The following BRAF variants were observed in gnomAD, a reference collection of about 807,000 sequenced individuals.
BRAF encodes the protein B-Raf proto-oncogene, serine/threonine kinase.
In BRAF, 16 loss-of-function variants were observed where a neutral mutation model predicts 104.6. The observed-to-expected ratio is 0.15, with a 90% CI of 0.10 to 0.23. The LOEUF (loss-of-function observed/expected upper bound fraction) is 0.23, where lower values mean the gene tolerates loss of function less well. Ranked by LOEUF, BRAF falls within the 10% of genes least tolerant of loss-of-function variation. The pLI is 1.00. For missense variants in BRAF, 541 were observed against 937.3 expected, an observed-to-expected ratio of 0.58 and a Z score of 5.52; for synonymous variants, 310 against 341.6, an observed-to-expected ratio of 0.91 and a Z score of 1.02.
intron 9 of BRAF, among the ~76,000 whole-genome samples, chr7:140,787,027 C>A (rs1305158845): frequency 6.6e-6 from 1 of 152,078 alleles, no homozygotes; most frequent in African/African-American, 2.4e-5. Flanking sequence ...TTTGGCCGGG[C>A]GCGGTGGCTC....
intron 1 of BRAF, among the ~76,000 whole-genome samples, chr7:140,881,222 C>T (rs1277125222): frequency 6.6e-6 from 1 of 152,022 alleles, no homozygotes; most frequent in Non-Finnish European, 1.5e-5. Flanking sequence ...TCCAAAGGGC[C>T]CTAGGATTTT....
intron 19 of BRAF, among the ~76,000 whole-genome samples, chr7:140,730,048 TAA>T (rs1216876356): frequency 6.6e-6 from 1 of 152,090 alleles, no homozygotes; most frequent in East Asian, 1.9e-4. Context: ...ATCAATAAAA[TAA>T]GACTCTTAAA....
At chr7:140,777,125 G>A (rs779875213) in intron 13 of BRAF, 37 bp from the exon 13 acceptor site, 11 of 1,602,010 alleles carry the variant, frequency 6.9e-6, no homozygotes, top group Admixed American at 5.0e-5. Context: ...ATTAAATGTC[G>A]ACAAACTTTA....
intron 14 of BRAF, among the ~76,000 whole-genome samples, chr7:140,763,524 A>T (rs1799001525): frequency 6.6e-6 from 1 of 152,216 alleles, no homozygotes; most frequent in Non-Finnish European, 1.5e-5. Context: ...TTTTGAAAGG[A>T]TCAACAAAAT....
chr7:140,907,386 C>T (rs1158667247), intron 1 of BRAF, among the ~76,000 whole-genome samples: 1 of 151,612 alleles, frequency 6.6e-6, no homozygotes, highest in Admixed American at 6.6e-5. Context: ...CTCAGCCTCC[C>T]GAATAGCTGG....
At chr7:140,742,620 C>T (rs376545971) in intron 17 of BRAF, among the ~76,000 whole-genome samples, 2 of 152,198 alleles carry the variant, frequency 1.3e-5, no homozygotes, top group South Asian at 4.1e-4. Context: ...TCCCATTTTC[C>T]CTGTTATAAC....
chr7:140,876,128 T>C (rs748811340), intron 1 of BRAF, among the ~76,000 whole-genome samples: 3 of 152,162 alleles, frequency 2.0e-5, no homozygotes, highest in East Asian at 1.9e-4. Flanking sequence ...TTTCAATTAA[T>C]AGAAACGTAA....
At chr7:140,817,581 G>T (rs1805009161) in intron 3 of BRAF, among the ~76,000 whole-genome samples, 1 of 152,140 alleles carries the variant, frequency 6.6e-6, no homozygotes, top group African/African-American at 2.4e-5. Flanking sequence ...GCATGGTACT[G>T]GCATAAAAAC....
At chr7:140,734,797 G>GAAAAAAAAAAAGA (rs60814637) in intron 18 of BRAF, 27 bp from the exon 18 acceptor site, 5 of 1,130,044 alleles carry the variant, frequency 4.4e-6, no homozygotes, top group Non-Finnish European at 5.8e-6. Context: ...AAAAAAAAAA[G>GAAAAAAAAAAAGA]AAAAAAAAAG....
At chr7:140,882,947 T>C (rs564358097) in intron 1 of BRAF, among the ~76,000 whole-genome samples, 4 of 151,490 alleles carry the variant, frequency 2.6e-5, no homozygotes, top group East Asian at 3.9e-4. Flanking sequence ...TGAGCCAAGA[T>C]TGCACCACTG....
At chr7:140,758,118 GTCAGCCC>G (rs1798357116) in intron 14 of BRAF, 1 of 152,176 alleles carries the variant, frequency 6.6e-6, no homozygotes, top group Non-Finnish European at 1.5e-5. Context: ...ACATTTGCAT[GTCAGCCC>G]TCTTTCACCT....
chr7:140,833,854 C>T (rs1807044157), intron 3 of BRAF: 1 of 151,820 alleles, frequency 6.6e-6, no homozygotes, highest in Non-Finnish European at 1.5e-5. Context: ...AAGTAAAATG[C>T]CTCTATAATA....
intron 1 of BRAF, among the ~76,000 whole-genome samples, chr7:140,872,216 A>AAAATAAATAAATAAATAAATAAAT (rs143275817): frequency 3.1e-5 from 4 of 130,112 alleles, no homozygotes; most frequent in African/African-American, 1.1e-4. Flanking sequence ...ACTCCATCTC[A>AAAATAAATAAATAAATAAATAAAT]AAATAAATAA....
intron 1 of BRAF, among the ~76,000 whole-genome samples, chr7:140,876,876 C>G (rs1812323026): frequency 6.6e-6 from 1 of 151,960 alleles, no homozygotes; most frequent in South Asian, 2.1e-4. Flanking sequence ...CTCACCAAAA[C>G]AGACCATATT....
At chr7:140,844,648 G>A (rs1415581911) in intron 2 of BRAF, among the ~76,000 whole-genome samples, 1 of 152,172 alleles carries the variant, frequency 6.6e-6, no homozygotes, top group African/African-American at 2.4e-5. Context: ...CATGGAGGCT[G>A]AGCACAGTGG....
At chr7:140,776,613 A>G (rs375002985) in intron 14 of BRAF, among the ~76,000 whole-genome samples, 1 of 152,256 alleles carries the variant, frequency 6.6e-6, no homozygotes, top group Non-Finnish European at 1.5e-5. Context: ...ACAACTTTTT[A>G]GCAGGTTTTT....
chr7:140,842,608 T>G (rs763643522), intron 2 of BRAF, among the ~76,000 whole-genome samples: 12 of 152,198 alleles, frequency 7.9e-5, no homozygotes, highest in Non-Finnish European at 1.5e-4. Context: ...TAGAAGGCAT[T>G]CCAATAATTT....
chr7:140,735,493 T>C (rs775098170), intron 18 of BRAF, among the ~76,000 whole-genome samples: 4 of 152,242 alleles, frequency 2.6e-5, no homozygotes, highest in African/African-American at 4.8e-5. Flanking sequence ...GCCTGGCCTA[T>C]AATAAGCACT....
At chr7:140,923,356 C>T (rs1818436560) in intron 1 of BRAF, among the ~76,000 whole-genome samples, 1 of 151,912 alleles carries the variant, frequency 6.6e-6, no homozygotes, top group South Asian at 2.1e-4. Flanking sequence ...ATTTGTAAAG[C>T]ATAATAAAGT....
Sources: gnomAD v4.1 joint callset for allele counts (sites outside exome capture counted in the v4.1 genomes callset) on GRCh38, gnomAD v4.1.1 for gene constraint, MANE v1.5 for transcripts, NCBI Gene and HGNC (gene_info 2026-07-23, HGNC 2026-07-21) for gene names.